Variants in FHIT observed in about 807,000 individuals in gnomAD.
FHIT encodes the protein bis(5'-adenosyl)-triphosphatase.
FHIT carries 19 observed loss-of-function variants against 17.9 expected under a neutral mutation model. That is an observed-to-expected ratio of 1.06 (90% CI 0.74 to 1.56). FHIT has a LOEUF of 1.56. FHIT is among the 40% of genes most tolerant of loss of function. The pLI, the probability that FHIT is intolerant of heterozygous loss-of-function variation, is 0.00. For missense variants in FHIT, 248 were observed against 189.2 expected (o/e 1.31, Z -1.82); for synonymous variants, 81 against 69.7 (o/e 1.16, Z -0.81).
chr3:61,236,747 C>G (rs541366069), intron 1 of FHIT, among the ~76,000 whole-genome samples: 3 of 152,290 alleles, frequency 2.0e-5, no homozygotes, highest in Admixed American at 2.0e-4. Flanking sequence ...ACTGTGAAAG[C>G]AGGAAGGGAA....
At chr3:59,968,538 T>A (rs776469966) in intron 7 of FHIT, among the ~76,000 whole-genome samples, 8 of 152,104 alleles carry the variant, frequency 5.3e-5, no homozygotes, top group Non-Finnish European at 1.2e-4. Context: ...TAAACCTTCA[T>A]CTCCCGATTC....
At chr3:60,383,522 G>A (rs377548648) in intron 5 of FHIT, among the ~76,000 whole-genome samples, 22 of 151,962 alleles carry the variant, frequency 1.4e-4, no homozygotes, top group Admixed American at 3.9e-4. Context: ...TCAATGCACT[G>A]GAAAACTTCC....
intron 2 of FHIT, among the ~76,000 whole-genome samples, chr3:61,146,601 A>T (rs1291981698): frequency 6.6e-6 from 1 of 152,086 alleles, no homozygotes; most frequent in African/African-American, 2.4e-5. Context: ...CTGCTTGGTC[A>T]TACAATATTT....
At chr3:61,236,654 G>C (rs1331320168) in intron 1 of FHIT, among the ~76,000 whole-genome samples, 2 of 152,186 alleles carry the variant, frequency 1.3e-5, no homozygotes, top group African/African-American at 4.8e-5. Flanking sequence ...ACTTGCATAA[G>C]GCAGTGGGAG....
At chr3:60,927,673 A>C (rs1282902697) in intron 3 of FHIT, among the ~76,000 whole-genome samples, 2 of 149,636 alleles carry the variant, frequency 1.3e-5, no homozygotes, top group African/African-American at 5.0e-5. Context: ...CCTGGCCGCC[A>C]CCCCGTCTGG....
chr3:60,485,753 C>T (rs963715409), intron 5 of FHIT, among the ~76,000 whole-genome samples: 40 of 152,002 alleles, frequency 2.6e-4, no homozygotes, highest in African/African-American at 8.7e-4. Context: ...ATGTTCTGCA[C>T]GTGTATCCTG....
chr3:60,159,084 T>A (rs12715550), intron 5 of FHIT, among the ~76,000 whole-genome samples: 1 of 151,804 alleles, frequency 6.6e-6, no homozygotes, highest in African/African-American at 2.4e-5. Flanking sequence ...TTTCTAATCA[T>A]CCCCCACCAT....
intron 3 of FHIT, among the ~76,000 whole-genome samples, chr3:60,973,121 A>G (rs984150219): frequency 6.6e-6 from 1 of 152,218 alleles, no homozygotes; most frequent in African/African-American, 2.4e-5. Flanking sequence ...AGTGAATGAC[A>G]GATACACTTT....
intron 2 of FHIT, among the ~76,000 whole-genome samples, chr3:61,192,938 G>A (rs2038757805): frequency 1.3e-5 from 2 of 152,270 alleles, no homozygotes; most frequent in South Asian, 4.1e-4. Context: ...TGTACTCTTT[G>A]TTATCCCTCC....
chr3:60,158,020 G>A (rs1292130750), intron 5 of FHIT, among the ~76,000 whole-genome samples: 1 of 152,178 alleles, frequency 6.6e-6, no homozygotes, highest in African/African-American at 2.4e-5. Context: ...CATGAGCAAA[G>A]TTCTCCTTAC....
At chr3:61,098,688 T>C (rs1486363739) in intron 2 of FHIT, among the ~76,000 whole-genome samples, 1 of 152,202 alleles carries the variant, frequency 6.6e-6, no homozygotes, top group East Asian at 1.9e-4. Flanking sequence ...GCTGGATTCC[T>C]AGGTATTTTA....
At chr3:60,912,622 C>T (rs1462719627) in intron 3 of FHIT, 1 of 354,168 alleles carries the variant, frequency 2.8e-6, no homozygotes, top group Non-Finnish European at 5.4e-6. Flanking sequence ...GCCCTCCCCA[C>T]CTATCAGGAA....
At chr3:59,970,209 G>A (rs1292685178) in intron 7 of FHIT, among the ~76,000 whole-genome samples, 1 of 152,084 alleles carries the variant, frequency 6.6e-6, no homozygotes, top group Admixed American at 6.6e-5. Flanking sequence ...TAAATGTACT[G>A]TAAAAAACGG....
chr3:60,232,992 A>G (rs2107556305), intron 5 of FHIT, among the ~76,000 whole-genome samples: 1 of 152,248 alleles, frequency 6.6e-6, no homozygotes, highest in East Asian at 1.9e-4. Flanking sequence ...GTGACAAATG[A>G]CAGCATGCCT....
chr3:61,014,807 A>AAATATATAT lies in FHIT; in HGVS notation c.-111+27239_-111+27240insATATATATT, dbSNP rs1553798839. On this transcript the variant is annotated intron_variant, in intron 3 of 9. Coordinates refer to ENST00000492590, the MANE Select transcript of FHIT (RefSeq NM_002012.4). ...AAAAAAAAAAAAAAAAAAAAAAAAA[A>AAATATATAT]ATATATATATATATATATGTATACA... 2.2e-3 allele frequency among the ~76,000 whole-genome samples: 107 copies of AAATATATAT among 49,048 alleles called. 2 individuals carry two copies. The highest frequency in any genetic ancestry group is 4.1e-3 in the African/African-American group (76 of 18,488). The allele number at this position is 49,048 out of a possible 152,430, so 32.2% of individuals were successfully genotyped here. A position where few individuals can be genotyped will look rare whatever the true frequency, so the allele number is the denominator to read the frequency against.
chr3:60,482,934 G>C (rs554902813), intron 5 of FHIT, among the ~76,000 whole-genome samples: 1 of 151,894 alleles, frequency 6.6e-6, no homozygotes, highest in East Asian at 1.9e-4. Context: ...CAGCAAGCTA[G>C]ATTAATAAAG....
chr3:60,568,794 C>G (rs1358076737), intron 4 of FHIT, among the ~76,000 whole-genome samples: 1 of 151,906 alleles, frequency 6.6e-6, no homozygotes, highest in Non-Finnish European at 1.5e-5. Flanking sequence ...TGAATTCGAT[C>G]TTTATTTTTA....
At chr3:60,271,851 C>T (rs1337637413) in intron 5 of FHIT, among the ~76,000 whole-genome samples, 2 of 152,226 alleles carry the variant, frequency 1.3e-5, no homozygotes, top group East Asian at 3.8e-4. Context: ...ATAGTAGAGG[C>T]TCCATGCACT....
intron 5 of FHIT, among the ~76,000 whole-genome samples, chr3:60,288,829 T>G (rs150648039): frequency 3.3e-5 from 5 of 152,292 alleles, no homozygotes; most frequent in Non-Finnish European, 7.4e-5. Context: ...CAATGGAAGC[T>G]TTAACAACTA....
Sources: gnomAD v4.1 joint callset for allele counts (sites outside exome capture counted in the v4.1 genomes callset) on GRCh38, gnomAD v4.1.1 for gene constraint, MANE v1.5 for transcripts, NCBI Gene and HGNC (gene_info 2026-07-23, HGNC 2026-07-21) for gene names.